Variants in ZNF618 observed in about 807,000 individuals in gnomAD.
ZNF618 encodes the protein neural precursor cell expressed, developmentally down-regulated 10.
A neutral mutation model predicts 103.0 loss-of-function variants in ZNF618; 34 were observed. That is an observed-to-expected ratio of 0.33 (90% confidence interval 0.25 to 0.44). ZNF618 has a LOEUF of 0.44. ZNF618 is among the 20% of genes least tolerant of loss of function. ZNF618 has a pLI of 1.00. For missense variants in ZNF618, 1,059 were observed against 1,295.4 expected (o/e 0.82, Z 2.80); for synonymous variants, 551 against 542.2 (o/e 1.02, Z -0.23).
chr9:114,008,445 C>T (rs748221685), intron 8 of ZNF618, 32 bp from the exon 9 acceptor site: 12 of 1,613,522 alleles, frequency 7.4e-6, no homozygotes, highest in Non-Finnish European at 1.0e-5. Context: ...CCTGGGGGAC[C>T]AGGGTGCTAA....
intron 3 of ZNF618, among the ~76,000 whole-genome samples, chr9:113,989,864 C>T (rs1450368710): frequency 6.6e-6 from 1 of 152,274 alleles, no homozygotes; most frequent in African/African-American, 2.4e-5. Flanking sequence ...AACAGCCATG[C>T]TTTTGCAGCT....
chr9:114,050,442 GCACACACACACACACA>G lies in ZNF618; in HGVS notation c.*293_*308del, dbSNP rs113819665. ...ATGGCCAGAGAAACTTTGCACACAC[GCACACACACACACACA>G]CACACACACACACACACGACCCTGG... On this transcript the variant is annotated 3_prime_UTR_variant, in exon 15 of 15. Transcript: ENST00000374126. 13 of 210,438 alleles carry G rather than the reference GCACACACACACACACA, an allele frequency of 6.2e-5. No homozygotes were observed. The East Asian group carries it at 9.1e-4, about 15-fold the overall frequency. 13.0% of individuals were successfully genotyped at this position (210,438 alleles called of 1,614,324 possible).
At chr9:113,953,663 C>T (rs1835978584) in intron 1 of ZNF618, among the ~76,000 whole-genome samples, 1 of 152,104 alleles carries the variant, frequency 6.6e-6, no homozygotes. Flanking sequence ...TATAAAAAAT[C>T]ACTAAACAAA....
chr9:114,018,840 GT>G (rs1343199901), intron 10 of ZNF618, among the ~76,000 whole-genome samples: 1 of 152,174 alleles, frequency 6.6e-6, no homozygotes, highest in African/African-American at 2.4e-5. Flanking sequence ...GATCATCTGT[GT>G]TTAAAATACA....
chr9:113,970,576 C>G (rs187710741), intron 2 of ZNF618, among the ~76,000 whole-genome samples: 1 of 152,166 alleles, frequency 6.6e-6, no homozygotes, highest in East Asian at 1.9e-4. Context: ...TTGTCAACCC[C>G]TAGTCTAAAC....
chr9:113,984,709 C>T (rs1394736635), intron 2 of ZNF618, among the ~76,000 whole-genome samples: 1 of 152,210 alleles, frequency 6.6e-6, no homozygotes, highest in Non-Finnish European at 1.5e-5. Context: ...CCATCTGTTT[C>T]CTCTCCTTCC....
chr9:113,881,351 A>G (rs1480484203), intron 1 of ZNF618, among the ~76,000 whole-genome samples: 1 of 152,152 alleles, frequency 6.6e-6, no homozygotes, highest in African/African-American at 2.4e-5. Context: ...TAGAAATATA[A>G]TTCAAGCCCC....
intron 2 of ZNF618, among the ~76,000 whole-genome samples, chr9:113,973,300 G>C (rs1487061851): frequency 1.3e-5 from 2 of 152,144 alleles, no homozygotes; most frequent in Admixed American, 6.5e-5. Context: ...GCCCTCCAAC[G>C]TGGGCTTCTA....
intron 3 of ZNF618, among the ~76,000 whole-genome samples, chr9:113,994,538 C>T (rs542711182): frequency 6.6e-6 from 1 of 152,362 alleles, no homozygotes; most frequent in African/African-American, 2.4e-5. Flanking sequence ...AGGGTTTACC[C>T]TACTGTGGGG....
rs1381217710 is a variant in ZNF618, at chr9:114,053,762, C to G, written c.*3595C>G. 3 of 152,280 alleles carry G rather than the reference C, an allele frequency of 2.0e-5. No individual in the cohort carries two copies. Among genetic ancestry groups the G allele is most frequent in the Non-Finnish European group, 4.4e-5 (3 of 68,112 alleles). The allele number at this position is 152,280 out of a possible 1,614,324, so 9.4% of individuals were successfully genotyped here. A position where few individuals can be genotyped will look rare whatever the true frequency, so the allele number is the denominator to read the frequency against. ...CGATTCCTGGCTCAGCCAGCCAGGC[C>G]TCCCTCTAATGGCATTTAGTAACCA... On this transcript the variant is annotated 3_prime_UTR_variant, in exon 15 of 15. Transcript: ENST00000374126.
At chr9:113,886,970 A>C (rs996623240) in intron 1 of ZNF618, among the ~76,000 whole-genome samples, 3 of 100,620 alleles carry the variant, frequency 3.0e-5, no homozygotes, top group African/African-American at 7.7e-5. Context: ...TTTACTTTCT[A>C]CTTTTTTTTT....
At chr9:113,964,516 T>C (rs1217601074) in intron 1 of ZNF618, among the ~76,000 whole-genome samples, 1 of 151,996 alleles carries the variant, frequency 6.6e-6, no homozygotes, top group African/African-American at 2.4e-5. Flanking sequence ...AGGAAATTTT[T>C]ACCAGAAATT....
chr9:113,984,431 A>G (rs1461434027), intron 2 of ZNF618, among the ~76,000 whole-genome samples: 1 of 152,178 alleles, frequency 6.6e-6, no homozygotes, highest in Non-Finnish European at 1.5e-5. Flanking sequence ...TTTAACAGAC[A>G]AGGAAACAGA....
chr9:114,028,192 C>T (rs1843684956), intron 10 of ZNF618: 1 of 155,004 alleles, frequency 6.5e-6, no homozygotes, highest in African/African-American at 2.4e-5. Flanking sequence ...AACTGCTACA[C>T]TTATTTCAAT....
intron 1 of ZNF618, among the ~76,000 whole-genome samples, chr9:113,958,790 C>T (rs1182236783): frequency 6.6e-6 from 1 of 152,158 alleles, no homozygotes. Flanking sequence ...TTAGCTCAGA[C>T]CTCAGCCAAC....
At chr9:114,016,960 A>G (rs1161502642) in intron 10 of ZNF618, 176 bp downstream of exon 10, 1 of 596,036 alleles carries the variant, frequency 1.7e-6, no homozygotes, top group Non-Finnish European at 3.0e-6. Flanking sequence ...AGTGGCCGGC[A>G]TAGCTGAGAA....
chr9:113,975,581 G>T (rs933829337), intron 2 of ZNF618, among the ~76,000 whole-genome samples: 2 of 152,178 alleles, frequency 1.3e-5, no homozygotes, highest in Non-Finnish European at 2.9e-5. Flanking sequence ...GCACCAACAT[G>T]ATGCTCAAAG....
At chr9:113,994,172 C>G (rs1840345402) in intron 3 of ZNF618, among the ~76,000 whole-genome samples, 1 of 152,228 alleles carries the variant, frequency 6.6e-6, no homozygotes, top group African/African-American at 2.4e-5. Context: ...GGAGCTCCAA[C>G]CAGGAGGCAG....
chr9:113,999,406 G>A (rs1215031798), intron 4 of ZNF618, among the ~76,000 whole-genome samples: 1 of 152,094 alleles, frequency 6.6e-6, no homozygotes, highest in Non-Finnish European at 1.5e-5. Flanking sequence ...CTGCATGAGG[G>A]GCAGGCTCAG....
Sources: allele counts gnomAD v4.1 joint callset (sites outside exome capture counted in the v4.1 genomes callset), GRCh38; gene constraint gnomAD v4.1.1; transcripts MANE v1.5; gene names NCBI Gene and HGNC (gene_info 2026-07-23, HGNC 2026-07-21).